MGLL: variants seen among roughly 807,000 people sequenced by gnomAD.
MGLL encodes the protein lysophospholipase homolog.
A neutral mutation model predicts 29.1 loss-of-function variants in MGLL; 7 were observed. The observed-to-expected ratio is 0.24, with a 90% CI of 0.14 to 0.45. MGLL has a LOEUF of 0.45. Ranked by LOEUF, MGLL falls within the 20% of genes least tolerant of loss-of-function variation. MGLL has a pLI of 0.99. For missense variants in MGLL, 356 were observed against 413.6 expected (o/e 0.86, Z 1.21); for synonymous variants, 148 against 168.3 (o/e 0.88, Z 0.93).
At chr3:127,695,834 A>G (rs1347889882) in intron 6 of MGLL, among the ~76,000 whole-genome samples, 4 of 152,250 alleles carry the variant, frequency 2.6e-5, no homozygotes, top group African/African-American at 7.2e-5. Flanking sequence ...CAATTATTTT[A>G]TTAAAAAGTA....
At chr3:127,693,883 T>C (rs2075294935) in intron 7 of MGLL, among the ~76,000 whole-genome samples, 1 of 152,196 alleles carries the variant, frequency 6.6e-6, no homozygotes. Flanking sequence ...CTTAGCGGAC[T>C]CCTTTCGCAG....
At chr3:127,742,798 G>T (rs1372274909) in intron 3 of MGLL, among the ~76,000 whole-genome samples, 1 of 152,048 alleles carries the variant, frequency 6.6e-6, no homozygotes, top group Non-Finnish European at 1.5e-5. Flanking sequence ...CACTGATTTG[G>T]AAGCCCTGAT....
intron 2 of MGLL, among the ~76,000 whole-genome samples, chr3:127,802,641 C>A (rs1399074606): frequency 6.6e-6 from 1 of 152,204 alleles, no homozygotes; most frequent in African/African-American, 2.4e-5. Flanking sequence ...AAAAGCAGTT[C>A]TGCATTATAG....
chr3:127,813,744 GA>G (rs1453613408), intron 2 of MGLL, among the ~76,000 whole-genome samples: 1 of 152,122 alleles, frequency 6.6e-6, no homozygotes, highest in Admixed American at 6.5e-5. Flanking sequence ...CCCATTTTGA[GA>G]GTCTGGTGGA....
At chr3:127,705,167 A>G (rs1179101080) in intron 6 of MGLL, among the ~76,000 whole-genome samples, 1 of 152,174 alleles carries the variant, frequency 6.6e-6, no homozygotes, top group African/African-American at 2.4e-5. Context: ...TGGGAGCTGA[A>G]CAATGAGAAC....
At chr3:127,726,176 GAAAGAAAGAAAAGAAAA>G (rs2076035511) in intron 3 of MGLL, among the ~76,000 whole-genome samples, 6 of 47,106 alleles carry the variant, frequency 1.3e-4, no homozygotes, top group African/African-American at 2.5e-4. Context: ...AAGAAAGAAA[GAAAGAAAGAAAAGAAAA>G]GAAAGAAAGA....
At chr3:127,773,762 C>T (rs1003701359) in intron 3 of MGLL, among the ~76,000 whole-genome samples, 1 of 152,184 alleles carries the variant, frequency 6.6e-6, no homozygotes. Context: ...GACTCAGGCT[C>T]GCCACTGTTG....
intron 3 of MGLL, among the ~76,000 whole-genome samples, chr3:127,770,998 A>G (rs1335344355): frequency 6.6e-6 from 1 of 152,214 alleles, no homozygotes; most frequent in African/African-American, 2.4e-5. Flanking sequence ...CAGGGTCACA[A>G]GGATGTGTGT....
intron 3 of MGLL, among the ~76,000 whole-genome samples, chr3:127,738,176 C>T (rs979578252): frequency 1.3e-5 from 2 of 151,826 alleles, no homozygotes; most frequent in Admixed American, 1.3e-4. Flanking sequence ...TGGCACATGC[C>T]TGTAGTTCCA....
intron 2 of MGLL, chr3:127,783,874 A>G (rs2077170522): frequency 6.6e-6 from 1 of 152,202 alleles, no homozygotes; most frequent in Admixed American, 6.5e-5. Flanking sequence ...ATTAGTCAGC[A>G]TCTTCTGTCT....
intron 2 of MGLL, among the ~76,000 whole-genome samples, chr3:127,808,991 T>C (rs1428298083): frequency 1.3e-5 from 2 of 152,346 alleles, no homozygotes; most frequent in South Asian, 2.1e-4. Flanking sequence ...GGTATATTTA[T>C]AGGCAGATCC....
chr3:127,691,587 C>A lies in MGLL; in HGVS notation c.*611G>T. On this transcript the variant is annotated 3_prime_UTR_variant, in exon 8 of 8. Transcript: ENST00000265052. Reference sequence around the variant, plus strand: ...TCTCCTTCTGGGCTAAGCCTCACCCCCCGCCCCTCTGCAAAGCCTGGTCTC... The same window carrying A: ...TCTCCTTCTGGGCTAAGCCTCACCCACCGCCCCTCTGCAAAGCCTGGTCTC... 6.4e-6 allele frequency: 1 copy of A among 156,058 alleles called. No homozygotes were observed. 9.7% of individuals were successfully genotyped at this position (156,058 alleles called of 1,614,324 possible).
At chr3:127,706,485 G>A (rs369618618) in intron 6 of MGLL, among the ~76,000 whole-genome samples, 8 of 152,288 alleles carry the variant, frequency 5.3e-5, no homozygotes, top group Admixed American at 2.0e-4. Context: ...CTTGGTGGCC[G>A]GCAGGAGTGG....
In MGLL at chr3:127,754,845, A is replaced by C. The variant is rs370369581; in HGVS notation, c.262+26944T>G. Among the ~76,000 whole-genome samples, 18 of 152,266 alleles carry C rather than the reference A, an allele frequency of 1.2e-4. 5 individuals are homozygous for C. The highest frequency in any genetic ancestry group is 2.1e-4 in the South Asian group (1 of 4,820). ...TCAGAGAGGGGCGCGTGGGGTGTGC[A>C]TCTTGGGAGCTGTATTTCTAGGTGT... On this transcript the variant is annotated intron_variant, in intron 3 of 7. Transcript: ENST00000265052.
chr3:127,694,283 AAAAATAT>A (rs1332808950), intron 7 of MGLL, among the ~76,000 whole-genome samples: 4 of 116,742 alleles, frequency 3.4e-5, no homozygotes, highest in African/African-American at 1.2e-4. Context: ...AAAAAAAAAA[AAAAATAT>A]ATATATATAT....
intron 3 of MGLL, among the ~76,000 whole-genome samples, chr3:127,753,382 C>T (rs2076594165): frequency 6.6e-6 from 1 of 152,258 alleles, no homozygotes; most frequent in African/African-American, 2.4e-5. Context: ...TTTTAACATA[C>T]TCTCAGAACC....
intron 7 of MGLL, among the ~76,000 whole-genome samples, chr3:127,694,285 AAAT>A (rs1461064337): frequency 7.2e-4 from 81 of 112,194 alleles, no homozygotes; most frequent in African/African-American, 2.1e-3. Flanking sequence ...AAAAAAAAAA[AAAT>A]ATATATATAT....
At chr3:127,794,014 T>C (rs2077343592) in intron 2 of MGLL, among the ~76,000 whole-genome samples, 1 of 152,210 alleles carries the variant, frequency 6.6e-6, no homozygotes, top group South Asian at 2.1e-4. Flanking sequence ...TTCTGTGATA[T>C]AAGGCTGTCT....
chr3:127,741,814 C>G (rs1264802211), intron 3 of MGLL, among the ~76,000 whole-genome samples: 1 of 152,202 alleles, frequency 6.6e-6, no homozygotes, highest in East Asian at 1.9e-4. Context: ...TGTGTCAGGT[C>G]TTGGTTAGAT....
Sources: gnomAD v4.1 joint callset for allele counts (sites outside exome capture counted in the v4.1 genomes callset) on GRCh38, gnomAD v4.1.1 for gene constraint, MANE v1.5 for transcripts, NCBI Gene and HGNC (gene_info 2026-07-23, HGNC 2026-07-21) for gene names.